Variants in CYP27C1 observed in about 807,000 individuals in gnomAD.
CYP27C1 encodes the protein cytochrome P450 family 27 subfamily C member 1.
CYP27C1 carries 29 observed loss-of-function variants against 40.6 expected under a neutral mutation model. That is an observed-to-expected ratio of 0.71 (90% confidence interval 0.53 to 0.97). The LOEUF is 0.97. Ranked by LOEUF, CYP27C1 falls within the 50% of genes least tolerant of loss-of-function variation. The probability of loss-of-function intolerance (pLI) is 0.00; values close to 1 mark genes in which losing one functional copy is unlikely to be tolerated. For missense variants in CYP27C1, 390 were observed against 485.8 expected (o/e 0.80, Z 1.85); for synonymous variants, 198 against 186.8 (o/e 1.06, Z -0.49).
At chr2:127,204,750 C>G (rs1359023426) in intron 2 of CYP27C1, among the ~76,000 whole-genome samples, 2 of 152,164 alleles carry the variant, frequency 1.3e-5, no homozygotes, top group Non-Finnish European at 2.9e-5. Context: ...CAGCACACCG[C>G]TCCCAGTGAA....
At chr2:127,207,557 C>A (rs1346256137) in intron 1 of CYP27C1, among the ~76,000 whole-genome samples, 1 of 151,982 alleles carries the variant, frequency 6.6e-6, no homozygotes, top group Non-Finnish European at 1.5e-5. Flanking sequence ...GTAGTCCCAG[C>A]TACTCAGGAG....
chr2:127,204,615 AAG>A (rs1402508953), intron 2 of CYP27C1, among the ~76,000 whole-genome samples: 1 of 103,622 alleles, frequency 9.7e-6, no homozygotes, highest in Non-Finnish European at 2.0e-5. Context: ...GAAAGAAAGA[AAG>A]AAAGAAAGAA....
At chr2:127,214,284 A>C (rs1192661151) in intron 1 of CYP27C1, among the ~76,000 whole-genome samples, 2 of 152,260 alleles carry the variant, frequency 1.3e-5, no homozygotes, top group Admixed American at 6.5e-5. Context: ...ATCTAGAACC[A>C]GAAATACCAT....
chr2:127,195,415 A>T lies in CYP27C1; in HGVS notation c.1134T>A (p.Asn378Lys), dbSNP rs776498930. The T allele has an allele frequency of 1.2e-6, 2 of 1,614,092 alleles. No homozygotes were observed. Among genetic ancestry groups the T allele is most frequent in the South Asian group, 2.2e-5 (2 of 91,082 alleles). ...QQTVYREIVKNLGERHVPTAA... is the reference protein window; with the variant it reads ...QQTVYREIVKKLGERHVPTAA... ...CAGTTGGAACATGCCTTTCCCCTAA[A>T]TTCTTCACAATCTCCCGGTACACCG... Residue 378 changes from asparagine to lysine, a missense_variant, in exon 6 of 9, where the codon AAT (asparagine) becomes AAA (lysine). By Grantham distance (94) the Asn-to-Lys change is moderately conservative. Coordinates refer to ENST00000664447, the MANE Select transcript of CYP27C1 (RefSeq NM_001367502.1). The surrounding 1 kb of genome is among the most constrained non-coding windows in gnomAD (Gnocchi z 6.2).
intron 8 of CYP27C1, among the ~76,000 whole-genome samples, chr2:127,188,921 T>C (rs1682699695): frequency 6.6e-6 from 1 of 152,174 alleles, no homozygotes; most frequent in African/African-American, 2.4e-5. Context: ...CTGAACAGCA[T>C]GTTTTCAGGC....
intron 2 of CYP27C1, among the ~76,000 whole-genome samples, chr2:127,205,476 A>G (rs1558931950): frequency 1.3e-5 from 2 of 152,204 alleles, no homozygotes; most frequent in Non-Finnish European, 1.5e-5. Flanking sequence ...ATGAGACAGG[A>G]AAATCACCAC....
At chr2:127,204,588 A>G (rs1236296963) in intron 2 of CYP27C1, among the ~76,000 whole-genome samples, 1 of 94,492 alleles carries the variant, frequency 1.1e-5, no homozygotes, top group African/African-American at 4.4e-5. Flanking sequence ...AAAGAAAGAA[A>G]GAAAGAAAGA....
At chr2:127,212,604 T>TA (rs1199906779) in intron 1 of CYP27C1, among the ~76,000 whole-genome samples, 1 of 152,152 alleles carries the variant, frequency 6.6e-6, no homozygotes, top group African/African-American at 2.4e-5. Context: ...ACGCCTTTGA[T>TA]AAAATTCAAC....
intron 1 of CYP27C1, among the ~76,000 whole-genome samples, chr2:127,211,072 A>G (rs1196440471): frequency 1.3e-5 from 2 of 152,216 alleles, no homozygotes; most frequent in African/African-American, 4.8e-5. Context: ...CATTCTTCTC[A>G]GTGTACATGG....
At position 127,204,601 on chromosome 2, in the gene CYP27C1, G is replaced by GC. The variant is rs1558931509; in HGVS notation, c.474-1031_474-1030insG. Among the ~76,000 whole-genome samples the GC allele has an allele frequency of 1.3e-3, 134 of 100,968 alleles. 2 individuals carry two copies. The highest frequency in any genetic ancestry group is 5.2e-3 in the African/African-American group (129 of 24,782). 66.2% of individuals were successfully genotyped at this position (100,968 alleles called of 152,430 possible). A position where few individuals can be genotyped will look rare whatever the true frequency, so the allele number is the denominator to read the frequency against. The stretch of plus-strand genomic sequence containing the variant: ...AGAAAGAAAGAAAGAAAGAAAGAAA[G>GC]AAAGAAAGAAAGAAAGAAAGAAAGA... On this transcript the variant is annotated intron_variant, in intron 2 of 8. Coordinates refer to ENST00000664447, the MANE Select transcript of CYP27C1 (RefSeq NM_001367502.1).
rs771486525 is a variant in CYP27C1 at position 127,208,430 on chromosome 2, CCTGGTATGCACAGATTCCTACAGCCTCT to C, written c.283-2368_283-2341del. Among the ~76,000 whole-genome samples the C allele has an allele frequency of 8.5e-5, 13 of 152,214 alleles. No homozygotes were observed. The highest frequency in any genetic ancestry group is 1.3e-4 in the Non-Finnish European group (9 of 68,038). ...TGCCACCAGAGCCAAGCATCCCAAC[CCTGGTATGCACAGATTCCTACAGCCTCT>C]CAGCTGGAATCTGTTTAAGCCTACT... On this transcript the variant is annotated intron_variant, in intron 1 of 8. Coordinates refer to ENST00000664447, the MANE Select transcript of CYP27C1 (RefSeq NM_001367502.1). The surrounding 1 kb of genome is among the most constrained non-coding windows in gnomAD (Gnocchi z 5.2).
At chr2:127,213,919 A>G (rs1383894804) in intron 1 of CYP27C1, among the ~76,000 whole-genome samples, 4 of 152,224 alleles carry the variant, frequency 2.6e-5, no homozygotes, top group Non-Finnish European at 4.4e-5. Context: ...CCATCTGACA[A>G]AGGTCTAATA....
rs1275393974 is a variant in CYP27C1 at position 127,208,053 on chromosome 2, C to T, written c.283-1963G>A. Among the ~76,000 whole-genome samples the T allele has an allele frequency of 6.6e-6, 1 of 152,076 alleles. No individual in the cohort carries two copies. Among genetic ancestry groups the T allele is most frequent in the Non-Finnish European group, 1.5e-5 (1 of 68,026 alleles). ...CGAAAAAAGAACAAAGCTGGTGGACCCCCATTTTCCTGTTTCAAGACTTAG... is the reference window on the plus strand; with the variant it reads ...CGAAAAAAGAACAAAGCTGGTGGACTCCCATTTTCCTGTTTCAAGACTTAG... On this transcript the variant is annotated intron_variant, in intron 1 of 8. Coordinates refer to ENST00000664447, the MANE Select transcript of CYP27C1 (RefSeq NM_001367502.1). The surrounding 1 kb of genome is among the most constrained non-coding windows in gnomAD (Gnocchi z 5.2).
Position 127,217,548 on chromosome 2 carries a change from T to C in CYP27C1, c.282+2441A>G, listed in dbSNP as rs145676456. ...AGAGAATGAGTGACTAGCCCAAGGC[T>C]CCACAGGTGGCTGCAGAGGGCCAGC... On this transcript the variant is annotated intron_variant, in intron 1 of 8. Transcript: ENST00000664447. Among the ~76,000 whole-genome samples the C allele has an allele frequency of 2.2e-4, 34 of 152,312 alleles. No homozygotes were observed. The East Asian group carries it at 5.8e-3, about 26-fold the overall frequency.
rs1248891246 is a variant in CYP27C1 at position 127,219,397 on chromosome 2, T to C, written c.282+592A>G. ...CCTCCCCGCAGTCCCATTCCTGGTT[T>C]CCCTTCGCGGCGCCCCCTCCCCAGG... On this transcript the variant is annotated intron_variant, in intron 1 of 8. Coordinates refer to ENST00000664447, the MANE Select transcript of CYP27C1 (RefSeq NM_001367502.1). The surrounding 1 kb of genome is among the most constrained non-coding windows in gnomAD (Gnocchi z 8.7). 6.6e-6 allele frequency among the ~76,000 whole-genome samples: 1 copy of C among 151,542 alleles called. No homozygotes were observed. Among genetic ancestry groups the C allele is most frequent in the Non-Finnish European group, 1.5e-5 (1 of 67,832 alleles).
chr2:127,201,022 C>CCGGG lies in CYP27C1; in HGVS notation c.883+99_883+100insCCCG. ...AAACTAACACGTGACTACATCTAGGCATCCTCTGCTATGGTCACCCATTGT... is the reference window on the plus strand; with the variant it reads ...AAACTAACACGTGACTACATCTAGGCCGGGATCCTCTGCTATGGTCACCCATTGT... On this transcript the variant is annotated intron_variant, in intron 4 of 8. Transcript: ENST00000664447. This position sits in a 1 kb window ranked among gnomAD's most constrained non-coding sequence, Gnocchi z 6.0. 8.5e-7 allele frequency: 1 copy of CCGGG among 1,180,678 alleles called. No individual in the cohort carries two copies. Among genetic ancestry groups the CCGGG allele is most frequent in the South Asian group, 1.4e-5 (1 of 70,552 alleles). 73.1% of individuals were successfully genotyped at this position (1,180,678 alleles called of 1,614,324 possible).
intron 2 of CYP27C1, among the ~76,000 whole-genome samples, chr2:127,204,626 A>G (rs112066834): frequency 7.7e-5 from 3 of 38,948 alleles, no homozygotes; most frequent in African/African-American, 3.0e-4. Context: ...AGAAAGAAAG[A>G]AGACTGCAGC....
At chr2:127,192,269 C>T (rs532436163) in intron 8 of CYP27C1, among the ~76,000 whole-genome samples, 9 of 152,336 alleles carry the variant, frequency 5.9e-5, no homozygotes, top group African/African-American at 2.2e-4. Flanking sequence ...GCACTCCCCA[C>T]ATTCTCCAAA....
chr2:127,207,440 G>T (rs1291685555), intron 1 of CYP27C1, among the ~76,000 whole-genome samples: 6 of 152,180 alleles, frequency 3.9e-5, no homozygotes, highest in African/African-American at 1.4e-4. Flanking sequence ...GTTGCAGTGA[G>T]CCGCAAGACT....
Sources: gnomAD v4.1 joint callset for allele counts (sites outside exome capture counted in the v4.1 genomes callset) on GRCh38, gnomAD v4.1.1 for gene constraint, Gnocchi (gnomAD v3.1) non-coding constraint, MANE v1.5 for transcripts, NCBI Gene and HGNC (gene_info 2026-07-23, HGNC 2026-07-21) for gene names.